Variants in HEXA observed in about 807,000 individuals in gnomAD.
The protein encoded by HEXA is hexosaminidase subunit alpha, also known as beta-hexosaminidase subunit alpha.
Under a neutral mutation model 73.3 loss-of-function variants are expected in HEXA, and 54 were observed. The ratio of observed to expected loss-of-function variants is 0.74; its 90% CI spans 0.59 to 0.92. The LOEUF (loss-of-function observed/expected upper bound fraction) is 0.92. Ranked by LOEUF, HEXA falls within the 40% of genes least tolerant of loss-of-function variation. The pLI is 0.00. For missense variants in HEXA, 649 were observed against 653.0 expected (o/e 0.99, Z 0.07); for synonymous variants, 230 against 246.9 (o/e 0.93, Z 0.64).
chr15:72,350,753 C>A, intron 6 of HEXA, 103 bp from the exon 7 acceptor site: 1 of 1,312,684 alleles, frequency 7.6e-7, no homozygotes, highest in Non-Finnish European at 1.1e-6. Context: ...AGAAAACCTG[C>A]CCATAGCCCT....
chr15:72,371,476 C>A (rs1358557830), intron 1 of HEXA, among the ~76,000 whole-genome samples: 2 of 151,480 alleles, frequency 1.3e-5, no homozygotes. Context: ...GTCCCAGCTA[C>A]TCAAGAGGCT....
At chr15:72,351,535 T>C in intron 5 of HEXA, 1 of 475,358 alleles carries the variant, frequency 2.1e-6, no homozygotes, top group Non-Finnish European at 3.9e-6. Context: ...GCAGCTACTG[T>C]GGTAGCCTGG....
At chr15:72,361,844 C>CCA (rs2088856400) in intron 1 of HEXA, among the ~76,000 whole-genome samples, 1 of 152,214 alleles carries the variant, frequency 6.6e-6, no homozygotes, top group Non-Finnish European at 1.5e-5. Flanking sequence ...CCCCACTGGG[C>CCA]CAAAGCCTTA....
intron 1 of HEXA, chr15:72,358,381 C>T (rs551480834): frequency 3.7e-4 from 56 of 152,236 alleles, no homozygotes; most frequent in African/African-American, 1.3e-3. Context: ...GGCTCGCTGC[C>T]CTCATGACAA....
intron 1 of HEXA, among the ~76,000 whole-genome samples, chr15:72,371,502 C>T (rs1340729551): frequency 4.7e-5 from 7 of 150,528 alleles, no homozygotes; most frequent in African/African-American, 1.7e-4. Flanking sequence ...GGGAGGACAG[C>T]TTGAGCCTCG....
chr15:72,341,501 T>C lies in HEXA; in HGVS notation c.*2576A>G, dbSNP rs1220710718. On this transcript the variant is annotated 3_prime_UTR_variant, in exon 14 of 14. Transcript: ENST00000268097. Reference sequence around the variant, plus strand: ...CTGCTTTGCCTCCTTAATAGACTCCTGGAATGGGAAGGGGTGGGGGTGGGG... The same window carrying C: ...CTGCTTTGCCTCCTTAATAGACTCCCGGAATGGGAAGGGGTGGGGGTGGGG... 1 of 100,536 alleles carries C rather than the reference T, an allele frequency of 9.9e-6. No homozygotes were observed. Among genetic ancestry groups the C allele is most frequent in the African/African-American group, 4.0e-5 (1 of 24,860 alleles). 6.2% of individuals were successfully genotyped at this position (100,536 alleles called of 1,614,324 possible). A position where few individuals can be genotyped will look rare whatever the true frequency, so the allele number is the denominator to read the frequency against.
Position 72,346,371 on chromosome 15 carries a change from C to T in HEXA, c.1331-46G>A, listed in dbSNP as rs2303448. The T allele has an allele frequency of 0.06, 93,721 of 1,552,948 alleles. 3,249 individuals carry two copies. The highest frequency in any genetic ancestry group is 0.14 in the East Asian group (6,334 of 44,560). On this transcript the variant is annotated intron_variant, in intron 11 of 13. Coordinates refer to ENST00000268097, the MANE Select transcript of HEXA (RefSeq NM_000520.6). Reference sequence around the variant, plus strand: ...ACAGTCTGGTGATGGTGGGGTAACTCCAGGGTCCCTCTCAACCACCTTCCC... The same window carrying T: ...ACAGTCTGGTGATGGTGGGGTAACTTCAGGGTCCCTCTCAACCACCTTCCC...
In HEXA at chr15:72,375,998, G is replaced by A. The variant is rs771384167; in HGVS notation, c.-26C>T. Reference sequence around the variant, plus strand: ...GGCCCGCTGGTCTCCCCTCTCGGAGGGGGCTGGCCACGTGAGACCCTGGTC... The same window carrying A: ...GGCCCGCTGGTCTCCCCTCTCGGAGAGGGCTGGCCACGTGAGACCCTGGTC... On this transcript the variant is annotated 5_prime_UTR_variant, in exon 1 of 14. Coordinates refer to ENST00000268097, the MANE Select transcript of HEXA (RefSeq NM_000520.6). The A allele has an allele frequency of 1.7e-5, 27 of 1,610,008 alleles. No individual in the cohort carries two copies. The South Asian group carries it at 2.0e-4, about 12-fold the overall frequency.
chr15:72,375,813 C>G lies in HEXA; in HGVS notation c.160G>C (p.Ala54Pro). The G allele has an allele frequency of 6.2e-7, 1 of 1,614,250 alleles. No individual in the cohort carries two copies. Among genetic ancestry groups the G allele is most frequent in the Non-Finnish European group, 8.5e-7 (1 of 1,180,042 alleles). ...FQFQYDVSSA[A>P]QPGCSVLDEA... ...TCGAGGACTGAGCAGCCGGGCTGCG[C>G]GGCCGAGCTGACATCGTACTGGAAT... Residue 54 changes from alanine to proline, a missense_variant, in exon 1 of 14, where the codon GCG (alanine) becomes CCG (proline). Ala to Pro is a conservative substitution (Grantham distance 27). Coordinates refer to ENST00000268097, the MANE Select transcript of HEXA (RefSeq NM_000520.6).
intron 13 of HEXA, 155 bp downstream of exon 13, chr15:72,345,282 TCCTGAATAC>T: frequency 2.2e-6 from 3 of 1,363,412 alleles, no homozygotes; most frequent in Admixed American, 2.5e-5. Context: ...ATTTTTTTTT[TCCTGAATAC>T]TTTTTATCGC....
chr15:72,370,775 T>C, intron 1 of HEXA: 2 of 394,834 alleles, frequency 5.1e-6, no homozygotes, highest in Non-Finnish European at 8.9e-6. Context: ...CAGGCCAAGC[T>C]AATCTAGGCC....
intron 5 of HEXA, chr15:72,351,667 A>G (rs181440016): frequency 7.8e-5 from 19 of 243,648 alleles, no homozygotes; most frequent in African/African-American, 4.2e-4. Context: ...TCATAATCTC[A>G]GAAGCAAAGG....
chr15:72,349,456 A>G (rs1023894460), intron 7 of HEXA, among the ~76,000 whole-genome samples, 197 bp from the exon 8 acceptor site: 3 of 152,248 alleles, frequency 2.0e-5, no homozygotes, highest in African/African-American at 7.2e-5. Flanking sequence ...ATACAAATAT[A>G]TCCACAATCA....
chr15:72,360,136 A>G (rs1595806291), intron 1 of HEXA: 1 of 153,138 alleles, frequency 6.5e-6, no homozygotes, highest in Non-Finnish European at 1.5e-5. Context: ...GTCACAACCA[A>G]TGGGCAAAAC....
At chr15:72,354,983 A>G (rs73440594) in intron 3 of HEXA, 4,718 of 155,806 alleles carry the variant, frequency 0.03, 216 homozygotes, top group African/African-American at 0.1. Context: ...TTTTCCTTTT[A>G]AAAAAACCTT....
intron 9 of HEXA, 87 bp from the exon 10 acceptor site, chr15:72,347,845 T>C: frequency 7.7e-7 from 1 of 1,296,568 alleles, no homozygotes; most frequent in South Asian, 1.2e-5. Flanking sequence ...GGGTTGAGCC[T>C]GGCCAGGGGC....
chr15:72,352,992 ATTTGGAACT>A, intron 5 of HEXA, 67 bp downstream of exon 5: 1 of 892,338 alleles, frequency 1.1e-6, no homozygotes, highest in Non-Finnish European at 1.9e-6. Context: ...CTCTTTAAGA[ATTTGGAACT>A]TGGTCTGTCC....
intron 1 of HEXA, among the ~76,000 whole-genome samples, chr15:72,371,075 C>G (rs1361179224): frequency 1.3e-5 from 2 of 152,142 alleles, no homozygotes; most frequent in Admixed American, 1.3e-4. Flanking sequence ...AGCCGCTAGC[C>G]CAATTAAAGT....
In HEXA at chr15:72,356,791, C is replaced by T. The variant is rs1025067142; in HGVS notation, c.254-174G>A. On this transcript the variant is annotated intron_variant, in intron 1 of 13. Transcript: ENST00000268097. ...ATCATCTGTTCAGCTGTCTCACTCT[C>T]GTTGTGCCCCTCTTCTCCTCAGTAG... 2.4e-5 allele frequency: 22 copies of T among 920,498 alleles called. No homozygotes were observed. In the Middle Eastern group the frequency reaches 9.5e-4, roughly 40 times the overall value. 57.0% of individuals were successfully genotyped at this position (920,498 alleles called of 1,614,324 possible).
Sources: allele counts gnomAD v4.1 joint callset (sites outside exome capture counted in the v4.1 genomes callset), GRCh38; gene constraint gnomAD v4.1.1; transcripts MANE v1.5; gene names NCBI Gene and HGNC (gene_info 2026-07-23, HGNC 2026-07-21).